CLIP2: variants seen among roughly 807,000 people sequenced by gnomAD.
CLIP2 encodes CAP-Gly domain-containing linker protein 2.
In CLIP2, 41 loss-of-function variants were observed where a neutral mutation model predicts 111.7. The ratio of observed to expected loss-of-function variants is 0.37; its 90% CI spans 0.29 to 0.48. The LOEUF (loss-of-function observed/expected upper bound fraction) is 0.48, where lower values mean the gene tolerates loss of function less well. Ranked by LOEUF, CLIP2 falls within the 20% of genes least tolerant of loss-of-function variation. The pLI, the probability that CLIP2 is intolerant of heterozygous loss-of-function variation, is 0.99. For missense variants in CLIP2, 1,160 were observed against 1,422.1 expected (o/e 0.82, Z 2.96); for synonymous variants, 660 against 644.2 (o/e 1.02, Z -0.37).
intron 13 of CLIP2, among the ~76,000 whole-genome samples, chr7:74,392,318 TCCAG>T (rs1302147901): frequency 7.1e-6 from 1 of 140,778 alleles, no homozygotes; most frequent in Non-Finnish European, 1.5e-5. Flanking sequence ...GCCGCTGCAC[TCCAG>T]CCTGGGCGAC....
chr7:74,374,292 G>C (rs1790716576), intron 9 of CLIP2, among the ~76,000 whole-genome samples: 1 of 152,238 alleles, frequency 6.6e-6, no homozygotes, highest in Non-Finnish European at 1.5e-5. Flanking sequence ...CCATTGCTCA[G>C]TGACCATGTG....
At chr7:74,390,112 AAAG>A (rs2116690962) in intron 13 of CLIP2, among the ~76,000 whole-genome samples, 1 of 140,826 alleles carries the variant, frequency 7.1e-6, no homozygotes, top group East Asian at 2.0e-4. Context: ...AGAAAGAAAG[AAAG>A]AAAGAAAAGA....
At chr7:74,312,679 C>T (rs1788671147) in intron 1 of CLIP2, among the ~76,000 whole-genome samples, 1 of 152,128 alleles carries the variant, frequency 6.6e-6, no homozygotes, top group Admixed American at 6.6e-5. Context: ...ATGATTGACT[C>T]CCGGCCCCCA....
intron 7 of CLIP2, among the ~76,000 whole-genome samples, chr7:74,363,004 C>T (rs1477824331): frequency 6.9e-6 from 1 of 144,548 alleles, no homozygotes; most frequent in African/African-American, 2.5e-5. Flanking sequence ...CAGCTTTGAG[C>T]TTTTTTTTTT....
intron 8 of CLIP2, among the ~76,000 whole-genome samples, chr7:74,367,994 A>AT (rs1285810215): frequency 5.9e-5 from 9 of 152,198 alleles, no homozygotes; most frequent in African/African-American, 1.9e-4. Context: ...GGGAGGATTG[A>AT]TTAAGCCCAG....
rs1363057641 is a variant in CLIP2 at position 74,403,999 on chromosome 7, C to T, written c.*151C>T. ...CGTACTCACCGCCGCGGACAATCCC[C>T]CACCCCGATCCCTCGCCAGACCAGG... On this transcript the variant is annotated 3_prime_UTR_variant, in exon 17 of 17. Coordinates refer to ENST00000223398, the MANE Select transcript of CLIP2 (RefSeq NM_003388.5). 1.2e-6 allele frequency: 1 copy of T among 823,768 alleles called. No individual in the cohort carries two copies. The highest frequency in any genetic ancestry group is 1.7e-5 in the African/African-American group (1 of 59,992). The allele number at this position is 823,768 out of a possible 1,614,324, so 51.0% of individuals were successfully genotyped here. A position where few individuals can be genotyped will look rare whatever the true frequency, so the allele number is the denominator to read the frequency against.
intron 8 of CLIP2, among the ~76,000 whole-genome samples, chr7:74,371,243 C>CAAAAAAAA: frequency 1.6e-5 from 1 of 61,638 alleles, no homozygotes; most frequent in South Asian, 7.5e-4. Context: ...AACTATGCCT[C>CAAAAAAAA]AAAAAAAAAA....
At chr7:74,291,186 G>A (rs1788006501) in intron 1 of CLIP2, among the ~76,000 whole-genome samples, 1 of 152,180 alleles carries the variant, frequency 6.6e-6, no homozygotes, top group Non-Finnish European at 1.5e-5. Flanking sequence ...GACAGGTGGA[G>A]GCGGTGGAGA....
At chr7:74,348,639 A>C (rs1433633715) in intron 3 of CLIP2, among the ~76,000 whole-genome samples, 1 of 151,772 alleles carries the variant, frequency 6.6e-6, no homozygotes. Flanking sequence ...AATACAAAAA[A>C]ATTAGCCAGG....
intron 2 of CLIP2, among the ~76,000 whole-genome samples, chr7:74,333,374 G>C (rs1233101686): frequency 6.6e-6 from 1 of 151,800 alleles, no homozygotes; most frequent in Non-Finnish European, 1.5e-5. Context: ...AGTAGAGATG[G>C]GGTTTCACCA....
At chr7:74,377,602 A>C (rs552073880) in intron 10 of CLIP2, among the ~76,000 whole-genome samples, 1 of 152,264 alleles carries the variant, frequency 6.6e-6, no homozygotes, top group South Asian at 2.1e-4. Context: ...TTTCACCTTA[A>C]CATCCTTAGA....
intron 10 of CLIP2, among the ~76,000 whole-genome samples, chr7:74,379,619 C>T (rs1172917567): frequency 6.6e-6 from 1 of 152,002 alleles, no homozygotes; most frequent in East Asian, 1.9e-4. Context: ...AAAAAATTAG[C>T]CGGGCATGGT....
chr7:74,329,162 G>A (rs1461121433), intron 2 of CLIP2, among the ~76,000 whole-genome samples: 15 of 143,470 alleles, frequency 1.0e-4, no homozygotes, highest in Non-Finnish European at 2.1e-4. Flanking sequence ...TCCTGACCTC[G>A]TGATCCGCCC....
intron 8 of CLIP2, 86 bp from the exon 9 acceptor site, chr7:74,372,842 TTCTC>T (rs1224396993): frequency 3.2e-6 from 2 of 623,488 alleles, no homozygotes; most frequent in African/African-American, 1.9e-5. Context: ...CTCTCTCTCT[TTCTC>T]TCTCTCTCCG....
Position 74,322,848 on chromosome 7 carries a change from A to C in CLIP2, c.121+5181A>C, listed in dbSNP as rs1009607108. On this transcript the variant is annotated intron_variant, in intron 2 of 16. Transcript: ENST00000223398. ...CTGGTTCAGGCGATTCTCCTGCTTC[A>C]GCCTCCCAAGTAGCTGGGATTACAG... 2.6e-5 allele frequency among the ~76,000 whole-genome samples: 4 copies of C among 151,806 alleles called. No homozygotes were observed. The East Asian group carries it at 7.8e-4, about 30-fold the overall frequency.
At chr7:74,314,179 CAAA>C (rs35306275) in intron 1 of CLIP2, among the ~76,000 whole-genome samples, 1 of 123,134 alleles carries the variant, frequency 8.1e-6, no homozygotes, top group Non-Finnish European at 1.6e-5. Context: ...GACTCTGTCT[CAAA>C]AAAAAAAAAA....
At chr7:74,312,485 A>G (rs961810135) in intron 1 of CLIP2, among the ~76,000 whole-genome samples, 25 of 152,122 alleles carry the variant, frequency 1.6e-4, no homozygotes, top group African/African-American at 4.1e-4. Flanking sequence ...GTCACCCACA[A>G]GGTGGGATAT....
chr7:74,395,124 T>C (rs6460078), intron 13 of CLIP2, among the ~76,000 whole-genome samples: 74,240 of 151,744 alleles, frequency 0.49, 18,189 homozygotes, highest in East Asian at 0.55. Flanking sequence ...TCATCAGTTA[T>C]GAGATTCCTC....
chr7:74,339,494 C>CG (rs1280729326), intron 3 of CLIP2, among the ~76,000 whole-genome samples: 1 of 151,912 alleles, frequency 6.6e-6, no homozygotes, highest in Non-Finnish European at 1.5e-5. Context: ...TCAGTAGAGA[C>CG]GGGGTTTCAC....
Sources: gnomAD v4.1 joint callset for allele counts (sites outside exome capture counted in the v4.1 genomes callset) on GRCh38, gnomAD v4.1.1 for gene constraint, MANE v1.5 for transcripts, NCBI Gene and HGNC (gene_info 2026-07-23, HGNC 2026-07-21) for gene names.